The following DLG2 variants were observed in gnomAD, a reference collection of about 807,000 sequenced individuals.
DLG2 encodes disks large homolog 2.
In DLG2, 45 loss-of-function variants were observed where a neutral mutation model predicts 132.5. That is an observed-to-expected ratio of 0.34 (90% CI 0.27 to 0.44). The LOEUF is 0.44. DLG2 is among the 20% of genes least tolerant of loss of function. The pLI is 1.00. For synonymous variants in DLG2, 424 were observed against 419.6 expected, an observed-to-expected ratio of 1.01 and a Z score of -0.13; for missense variants, 1,045 against 1,196.9, an observed-to-expected ratio of 0.87 and a Z score of 1.87.
chr11:84,502,214 CCTTCCTTCCTTCCTTCCTTCCTTCCT>C lies in DLG2; in HGVS notation c.519+32330_519+32355del, dbSNP rs2099212242. Reference sequence around the variant, plus strand: ...TCTCTCTCTCTCTCCTTCCTTCCTTCCTTCCTTCCTTCCTTCCTTCCTTCCTTCCTTCCTTCCTTCCTTCCTTCCTT... The same window carrying C: ...TCTCTCTCTCTCTCCTTCCTTCCTTCTCCTTCCTTCCTTCCTTCCTTCCTT... On this transcript the variant is annotated intron_variant, in intron 7 of 27. Coordinates refer to ENST00000376104, the MANE Select transcript of DLG2 (RefSeq NM_001142699.3). Among the ~76,000 whole-genome samples, 18 of 11,650 alleles carry C rather than the reference CCTTCCTTCCTTCCTTCCTTCCTTCCT, an allele frequency of 1.5e-3. 2 individuals carry two copies. The highest frequency in any genetic ancestry group is 2.4e-3 in the Non-Finnish European group (17 of 7,202). The allele number at this position is 11,650 out of a possible 152,430, so 7.6% of individuals were successfully genotyped here.
intron 6 of DLG2, among the ~76,000 whole-genome samples, chr11:85,041,433 T>C (rs967564125): frequency 1.3e-5 from 2 of 151,952 alleles, no homozygotes; most frequent in African/African-American, 2.4e-5. Context: ...AACCTTATTT[T>C]ACTCATCTAA....
chr11:83,725,781 A>G (rs2089885076), intron 18 of DLG2, among the ~76,000 whole-genome samples: 1 of 152,216 alleles, frequency 6.6e-6, no homozygotes, highest in African/African-American at 2.4e-5. Context: ...TATGCATTTG[A>G]AGCCAAAGCA....
Position 84,541,464 on chromosome 11 carries a change from A to G in DLG2, c.358-6733T>C, listed in dbSNP as rs531786094. ...ATCAGATTTAGTGTTGCCTCCTCAG[A>G]AGCATTCTCTGACTTCAAAGGTTGG... On this transcript the variant is annotated intron_variant, in intron 6 of 27. Transcript: ENST00000376104. 5.9e-5 allele frequency among the ~76,000 whole-genome samples: 9 copies of G among 152,198 alleles called. 1 individual carries two copies. The highest frequency in any genetic ancestry group is 4.6e-4 in the Admixed American group (7 of 15,272).
At chr11:84,962,179 T>G (rs1006130459) in intron 6 of DLG2, among the ~76,000 whole-genome samples, 2 of 152,362 alleles carry the variant, frequency 1.3e-5, no homozygotes, top group Non-Finnish European at 2.9e-5. Flanking sequence ...CATTTACAGA[T>G]AGCATATTAT....
At chr11:84,649,828 A>T (rs957400252) in intron 6 of DLG2, among the ~76,000 whole-genome samples, 5 of 152,160 alleles carry the variant, frequency 3.3e-5, no homozygotes, top group African/African-American at 1.2e-4. Context: ...GATTCCAGGG[A>T]AAATCACAGA....
intron 6 of DLG2, among the ~76,000 whole-genome samples, chr11:84,844,450 C>T (rs1422967443): frequency 6.6e-6 from 1 of 151,818 alleles, no homozygotes; most frequent in Admixed American, 6.6e-5. Context: ...CTCTTCATCC[C>T]TCCAGGGACT....
At chr11:83,647,707 G>A (rs547102937) in intron 18 of DLG2, 4 of 152,182 alleles carry the variant, frequency 2.6e-5, no homozygotes, top group East Asian at 3.9e-4. Flanking sequence ...TGTCTTGACC[G>A]ACTTCTTTTT....
chr11:84,297,581 T>A (rs753623997), intron 7 of DLG2, among the ~76,000 whole-genome samples: 3 of 152,190 alleles, frequency 2.0e-5, no homozygotes, highest in Non-Finnish European at 4.4e-5. Context: ...TTACAAGTAC[T>A]GCAAAATATC....
chr11:84,239,690 G>C (rs938249321), intron 8 of DLG2, among the ~76,000 whole-genome samples: 10 of 152,092 alleles, frequency 6.6e-5, no homozygotes, highest in African/African-American at 2.4e-4. Context: ...AAATTTTTTA[G>C]TGTTCCTACC....
intron 11 of DLG2, among the ~76,000 whole-genome samples, chr11:84,044,189 A>G (rs2096181287): frequency 6.6e-6 from 1 of 151,780 alleles, no homozygotes; most frequent in Non-Finnish European, 1.5e-5. Context: ...TAAAATAACA[A>G]TACCTATAGG....
At chr11:83,824,116 C>T (rs2051734215) in intron 17 of DLG2, among the ~76,000 whole-genome samples, 1 of 152,160 alleles carries the variant, frequency 6.6e-6, no homozygotes, top group South Asian at 2.1e-4. Flanking sequence ...AGTGAAATCA[C>T]AGCGCAGTAT....
At chr11:84,580,514 C>G (rs1437946450) in intron 6 of DLG2, among the ~76,000 whole-genome samples, 1 of 152,160 alleles carries the variant, frequency 6.6e-6, no homozygotes, top group African/African-American at 2.4e-5. Context: ...TTCACAGGCT[C>G]TGTGTGATTT....
At chr11:83,476,541 A>G (rs1036881823) in intron 22 of DLG2, among the ~76,000 whole-genome samples, 1 of 152,154 alleles carries the variant, frequency 6.6e-6, no homozygotes, top group African/African-American at 2.4e-5. Flanking sequence ...AATTGTCTCC[A>G]TAGGATGTTC....
At chr11:84,115,567 C>A (rs943992724) in intron 9 of DLG2, among the ~76,000 whole-genome samples, 2 of 152,218 alleles carry the variant, frequency 1.3e-5, no homozygotes, top group Admixed American at 1.3e-4. Flanking sequence ...TACTAGACTG[C>A]AATTATCATG....
At chr11:85,279,641 C>T (rs752985255) in intron 4 of DLG2, among the ~76,000 whole-genome samples, 4 of 152,002 alleles carry the variant, frequency 2.6e-5, no homozygotes, top group Admixed American at 1.3e-4. Flanking sequence ...AATACCAACA[C>T]AAATCCATAC....
chr11:84,956,738 C>A (rs146176405), intron 6 of DLG2, among the ~76,000 whole-genome samples: 3,031 of 152,196 alleles, frequency 0.02, 56 homozygotes, highest in Admixed American at 0.042. Context: ...AACAATTTCT[C>A]CAACCAATAG....
At chr11:83,758,600 A>C (rs2153749685) in intron 18 of DLG2, among the ~76,000 whole-genome samples, 1 of 152,298 alleles carries the variant, frequency 6.6e-6, no homozygotes, top group African/African-American at 2.4e-5. Context: ...GCCAAGTCTC[A>C]GTGTCCTAAT....
At chr11:85,216,360 T>C (rs1379976107) in intron 4 of DLG2, among the ~76,000 whole-genome samples, 6 of 152,158 alleles carry the variant, frequency 3.9e-5, no homozygotes, top group African/African-American at 1.4e-4. Context: ...CCTAAAAAAA[T>C]TCAACAGGAT....
At chr11:83,847,950 T>G (rs1017631453) in intron 16 of DLG2, among the ~76,000 whole-genome samples, 2 of 152,168 alleles carry the variant, frequency 1.3e-5, no homozygotes, top group African/African-American at 4.8e-5. Flanking sequence ...CCCAATATCG[T>G]AGCTACCAGT....
Sources: gnomAD v4.1 joint callset for allele counts (sites outside exome capture counted in the v4.1 genomes callset) on GRCh38, gnomAD v4.1.1 for gene constraint, MANE v1.5 for transcripts, NCBI Gene and HGNC (gene_info 2026-07-23, HGNC 2026-07-21) for gene names.